The following OTUD7A variants were observed in gnomAD, a reference collection of about 807,000 sequenced individuals.
The protein encoded by OTUD7A is OTU deubiquitinase 7A, also known as OTU domain-containing protein 7A.
Under a neutral mutation model 65.7 loss-of-function variants are expected in OTUD7A, and 12 were observed. That is an observed-to-expected ratio of 0.18 (90% CI 0.12 to 0.30). The LOEUF (loss-of-function observed/expected upper bound fraction) is 0.30. Among genes scored for constraint, OTUD7A ranks in the 10% least tolerant of loss-of-function variants. OTUD7A has a pLI of 1.00. For missense variants in OTUD7A, 1,148 were observed against 1,304.8 expected, an observed-to-expected ratio of 0.88 and a Z score of 1.85; for synonymous variants, 641 against 586.3, an observed-to-expected ratio of 1.09 and a Z score of -1.35.
rs527559304 is a variant in OTUD7A at position 31,480,052 on chromosome 15, C to T, written c.*3242G>A. 1 of 152,244 alleles carries T rather than the reference C, an allele frequency of 6.6e-6. No homozygotes were observed. Among genetic ancestry groups the T allele is most frequent in the East Asian group, 1.9e-4 (1 of 5,188 alleles). The allele number at this position is 152,244 out of a possible 1,614,324, so 9.4% of individuals were successfully genotyped here. On this transcript the variant is annotated 3_prime_UTR_variant, in exon 13 of 13. Transcript: ENST00000307050. ...TGAACAAGCAGCAAAAAGCGTTTAACCCCCCGGAGCCCACAGTGGAGCTCC... is the reference window on the plus strand; with the variant it reads ...TGAACAAGCAGCAAAAAGCGTTTAATCCCCCGGAGCCCACAGTGGAGCTCC...
chr15:31,800,024 C>T (rs139620256), intron 1 of OTUD7A, among the ~76,000 whole-genome samples: 1 of 152,306 alleles, frequency 6.6e-6, no homozygotes, highest in Non-Finnish European at 1.5e-5. Flanking sequence ...TTGTTTATTA[C>T]ACCAGAAACC....
intron 1 of OTUD7A, chr15:31,766,808 ACT>A (rs1895104433): frequency 6.2e-7 from 1 of 1,612,664 alleles, no homozygotes; most frequent in Non-Finnish European, 8.5e-7. Context: ...TTGGGCTTAG[ACT>A]CTAAAAACAG....
rs987901191 is a variant in OTUD7A at position 31,481,477 on chromosome 15, G to A, written c.*1817C>T. 6.6e-6 allele frequency: 1 copy of A among 152,124 alleles called. No homozygotes were observed. Among genetic ancestry groups the A allele is most frequent in the African/African-American group, 2.4e-5 (1 of 41,414 alleles). The allele number at this position is 152,124 out of a possible 1,614,324, so 9.4% of individuals were successfully genotyped here. A position where few individuals can be genotyped will look rare whatever the true frequency, so the allele number is the denominator to read the frequency against. On this transcript the variant is annotated 3_prime_UTR_variant, in exon 13 of 13. Transcript: ENST00000307050. ...TTTCTGAGTAATAAAAGAAACCCCAGTAATATTAGGGACATGGATGTTAGT... is the reference window on the plus strand; with the variant it reads ...TTTCTGAGTAATAAAAGAAACCCCAATAATATTAGGGACATGGATGTTAGT...
chr15:31,767,153 G>A (rs1165694999), intron 1 of OTUD7A: 7 of 1,356,334 alleles, frequency 5.2e-6, no homozygotes, highest in Middle Eastern at 1.8e-4. Flanking sequence ...TGAGAAGGCG[G>A]CACTCAGTTG....
chr15:31,762,945 A>G (rs1373874931), intron 1 of OTUD7A, among the ~76,000 whole-genome samples: 1 of 152,210 alleles, frequency 6.6e-6, no homozygotes, highest in South Asian at 2.1e-4. Flanking sequence ...AGACAAAAGC[A>G]GCTATAATAA....
chr15:31,589,114 T>G (rs1016365609), intron 3 of OTUD7A, among the ~76,000 whole-genome samples: 3 of 152,108 alleles, frequency 2.0e-5, no homozygotes, highest in Non-Finnish European at 4.4e-5. Context: ...CCTCAAACAT[T>G]TGAAAAAGAT....
At chr15:31,828,448 C>A (rs1231614470) in intron 1 of OTUD7A, among the ~76,000 whole-genome samples, 3 of 152,156 alleles carry the variant, frequency 2.0e-5, no homozygotes, top group African/African-American at 7.2e-5. Flanking sequence ...TTTACCATTT[C>A]TTTGTGGTGG....
intron 1 of OTUD7A, among the ~76,000 whole-genome samples, chr15:31,854,236 C>G (rs1428489082): frequency 6.6e-6 from 1 of 152,292 alleles, no homozygotes; most frequent in African/African-American, 2.4e-5. Context: ...AAACACATCA[C>G]TCTGACCTCT....
At chr15:31,795,579 G>A (rs997368226) in intron 1 of OTUD7A, among the ~76,000 whole-genome samples, 1 of 152,162 alleles carries the variant, frequency 6.6e-6, no homozygotes, top group African/African-American at 2.4e-5. Flanking sequence ...GAGTGCCAGG[G>A]CAGATGCCAT....
Position 31,767,860 on chromosome 15 carries a change from T to C in OTUD7A, c.-100+102647A>G, listed in dbSNP as rs894701047. 3 of 1,140,502 alleles carry C rather than the reference T, an allele frequency of 2.6e-6. No individual in the cohort carries two copies. The African/African-American group carries it at 4.6e-5, about 18-fold the overall frequency. 70.6% of individuals were successfully genotyped at this position (1,140,502 alleles called of 1,614,324 possible). ...TGTTTTTTCTCAATTCTGGATGCCT[T>C]CGTGGTAGAGTTTTAAGTGGCAACG... On this transcript the variant is annotated intron_variant, in intron 1 of 12. Coordinates refer to ENST00000307050, the MANE Select transcript of OTUD7A (RefSeq NM_001382637.1).
chr15:31,499,371 T>G (rs1031529307), intron 10 of OTUD7A, among the ~76,000 whole-genome samples: 3 of 152,184 alleles, frequency 2.0e-5, no homozygotes, highest in African/African-American at 7.2e-5. Flanking sequence ...GGTGGCATCC[T>G]GGGGCTCGAT....
chr15:31,539,380 C>G (rs112120921), intron 5 of OTUD7A, among the ~76,000 whole-genome samples: 16 of 152,066 alleles, frequency 1.1e-4, no homozygotes. Context: ...CATATGACCC[C>G]GAGGTCTACA....
Position 31,766,564 on chromosome 15 carries a change from G to A in OTUD7A, c.-100+103943C>T, listed in dbSNP as rs996714904. On this transcript the variant is annotated intron_variant, in intron 1 of 12. Transcript: ENST00000307050. ...GCTGTTTGCACACTTGTGCTGCCTT[G>A]TCCAACATTTGGTTTCATGGTAATT... 6 of 1,612,962 alleles carry A rather than the reference G, an allele frequency of 3.7e-6. No homozygotes were observed. In the African/African-American group the frequency reaches 8.0e-5, roughly 22 times the overall value.
chr15:31,519,118 CTGTGTG>C lies in OTUD7A; in HGVS notation c.893+7225_893+7230del, dbSNP rs56265620. On this transcript the variant is annotated intron_variant, in intron 8 of 12. Coordinates refer to ENST00000307050, the MANE Select transcript of OTUD7A (RefSeq NM_001382637.1). ...TATCCACTACAGGTCTAGCACTGTG[CTGTGTG>C]TGTGTGTGTGTGTGTGTGCACGCAC... 2.8e-4 allele frequency among the ~76,000 whole-genome samples: 42 copies of C among 151,102 alleles called. 2 individuals are homozygous for C. Among genetic ancestry groups the C allele is most frequent in the Middle Eastern group, 3.4e-3 (1 of 290 alleles).
At chr15:31,707,563 GTT>G (rs944347771) in intron 1 of OTUD7A, among the ~76,000 whole-genome samples, 1 of 65,166 alleles carries the variant, frequency 1.5e-5, no homozygotes, top group African/African-American at 5.2e-5. Flanking sequence ...ACTTTGATCT[GTT>G]TGCAAAATCT....
chr15:31,840,007 T>C (rs1468173121), intron 1 of OTUD7A, among the ~76,000 whole-genome samples: 1 of 152,158 alleles, frequency 6.6e-6, no homozygotes, highest in African/African-American at 2.4e-5. Flanking sequence ...GACCAGACTC[T>C]AACTACACAA....
At chr15:31,748,565 T>C (rs564738549) in intron 1 of OTUD7A, among the ~76,000 whole-genome samples, 1 of 152,210 alleles carries the variant, frequency 6.6e-6, no homozygotes, top group Admixed American at 6.5e-5. Context: ...TTGCAACTTT[T>C]CTATACATGT....
chr15:31,634,857 A>G (rs1442909760), intron 3 of OTUD7A, among the ~76,000 whole-genome samples: 2 of 152,144 alleles, frequency 1.3e-5, no homozygotes, highest in Non-Finnish European at 2.9e-5. Flanking sequence ...CCTTTAACCA[A>G]AGGGAGTGTG....
intron 1 of OTUD7A, among the ~76,000 whole-genome samples, chr15:31,817,185 C>T (rs1896570928): frequency 6.6e-6 from 1 of 151,904 alleles, no homozygotes; most frequent in Non-Finnish European, 1.5e-5. Flanking sequence ...AACCGGGTGG[C>T]TCCCATTGCT....
Sources: gnomAD v4.1 joint callset for allele counts (sites outside exome capture counted in the v4.1 genomes callset) on GRCh38, gnomAD v4.1.1 for gene constraint, MANE v1.5 for transcripts, NCBI Gene and HGNC (gene_info 2026-07-23, HGNC 2026-07-21) for gene names.